Variants in TRAPPC6B observed in about 807,000 individuals in gnomAD.
The protein encoded by TRAPPC6B is TRAPP complex subunit 6B.
In TRAPPC6B, 27 loss-of-function variants were observed where a neutral mutation model predicts 24.7. That is an observed-to-expected ratio of 1.09 (90% confidence interval 0.81 to 1.51). The LOEUF is 1.51. TRAPPC6B is among the 40% of genes most tolerant of loss of function. TRAPPC6B has a pLI of 0.00. For synonymous variants in TRAPPC6B, 80 were observed against 66.6 expected, an observed-to-expected ratio of 1.20 and a Z score of -0.98; for missense variants, 212 against 190.8, an observed-to-expected ratio of 1.11 and a Z score of -0.66.
At position 39,148,618 on chromosome 14, in the gene TRAPPC6B, T is replaced by C. The variant is rs2052881930; in HGVS notation, c.*1732A>G. Reference sequence around the variant, plus strand: ...TTCTCTATTGTGTTCTATTTTGATCTACTTCTGTGTCATTAGCTATTCCTG... The same window carrying C: ...TTCTCTATTGTGTTCTATTTTGATCCACTTCTGTGTCATTAGCTATTCCTG... On this transcript the variant is annotated 3_prime_UTR_variant, in exon 6 of 6. Coordinates refer to ENST00000330149, the MANE Select transcript of TRAPPC6B (RefSeq NM_001079537.2). 2 of 398,342 alleles carry C rather than the reference T, an allele frequency of 5.0e-6. No homozygotes were observed. Among genetic ancestry groups the C allele is most frequent in the Admixed American group, 4.4e-5 (1 of 22,718 alleles). 24.7% of individuals were successfully genotyped at this position (398,342 alleles called of 1,614,324 possible).
At chr14:39,151,682 A>C in intron 5 of TRAPPC6B, 64 bp downstream of exon 5, 1 of 1,207,450 alleles carries the variant, frequency 8.3e-7, no homozygotes. Flanking sequence ...AGTTAAATTA[A>C]AAAAAAAAAC....
chr14:39,170,215 C>T lies in TRAPPC6B; in HGVS notation c.-120G>A. On this transcript the variant is annotated 5_prime_UTR_variant, in exon 1 of 6. Transcript: ENST00000330149. The stretch of plus-strand genomic sequence containing the variant: ...GCTCCGTCAGGCCGCCATTCTATCC[C>T]TGTGGCTAAGAGACCGAGGTATTCA... 1 of 914,522 alleles carries T rather than the reference C, an allele frequency of 1.1e-6. No individual in the cohort carries two copies. The highest frequency in any genetic ancestry group is 1.7e-6 in the Non-Finnish European group (1 of 583,214). The allele number at this position is 914,522 out of a possible 1,614,324, so 56.7% of individuals were successfully genotyped here. A position where few individuals can be genotyped will look rare whatever the true frequency, so the allele number is the denominator to read the frequency against.
intron 1 of TRAPPC6B, among the ~76,000 whole-genome samples, chr14:39,164,219 G>C (rs539939116): frequency 5.3e-5 from 8 of 152,194 alleles, no homozygotes; most frequent in Non-Finnish European, 1.0e-4. Context: ...TTCTCGGCCG[G>C]GCATGATGGC....
At chr14:39,167,178 T>G (rs1166416102) in intron 1 of TRAPPC6B, among the ~76,000 whole-genome samples, 2 of 152,206 alleles carry the variant, frequency 1.3e-5, no homozygotes, top group African/African-American at 4.8e-5. Flanking sequence ...AAATTCAACT[T>G]GAGAACATTT....
At chr14:39,152,657 C>T (rs2052928873) in intron 4 of TRAPPC6B, among the ~76,000 whole-genome samples, 1 of 152,168 alleles carries the variant, frequency 6.6e-6, no homozygotes, top group Non-Finnish European at 1.5e-5. Flanking sequence ...AGAGATTGTT[C>T]ATCCCAAGAG....
In TRAPPC6B at chr14:39,170,066, G is replaced by C; in HGVS notation, c.30C>G (p.Leu10=). Reference sequence around the variant, plus strand: ...ACACTCCAGACACCATCTCGTTATGGAGAAGCAAAAACAACGCCTCATCCG... The same window carrying C: ...ACACTCCAGACACCATCTCGTTATGCAGAAGCAAAAACAACGCCTCATCCG... MADEALFLL[L]HNEMVSGVYK... Residue 10 remains leucine, a synonymous_variant, in exon 1 of 6, where the codon CTC becomes CTG. Coordinates refer to ENST00000330149, the MANE Select transcript of TRAPPC6B (RefSeq NM_001079537.2). 3 of 1,614,106 alleles carry C rather than the reference G, an allele frequency of 1.9e-6. No homozygotes were observed. Among genetic ancestry groups the C allele is most frequent in the South Asian group, 1.1e-5 (1 of 91,078 alleles).
chr14:39,164,452 AT>A lies in TRAPPC6B; in HGVS notation c.82-4903del, dbSNP rs202198411. ...GGTTGCAGTGAGCCAAGGTCACCCC[AT>A]TGCATTCCAGCCTGGGCAATAACAG... On this transcript the variant is annotated intron_variant, in intron 1 of 5. Transcript: ENST00000330149. 8.7e-3 allele frequency among the ~76,000 whole-genome samples: 1,327 copies of A among 152,120 alleles called. 8 individuals are homozygous for A. The highest frequency in any genetic ancestry group is 0.031 in the Middle Eastern group (9 of 294).
intron 2 of TRAPPC6B, 191 bp from the exon 3 acceptor site, chr14:39,158,593 T>TAGAG (rs2053015877): frequency 2.1e-6 from 1 of 481,594 alleles, no homozygotes; most frequent in African/African-American, 2.0e-5. Flanking sequence ...TCTCGGCTCA[T>TAGAG]TGCAACGTCT....
At chr14:39,162,050 C>T (rs2053065472) in intron 1 of TRAPPC6B, among the ~76,000 whole-genome samples, 1 of 152,220 alleles carries the variant, frequency 6.6e-6, no homozygotes, top group Non-Finnish European at 1.5e-5. Context: ...CTGCTTCTAC[C>T]TAACATCAAA....
intron 2 of TRAPPC6B, chr14:39,158,794 T>A (rs1199704710): frequency 6.3e-6 from 1 of 159,594 alleles, no homozygotes; most frequent in Non-Finnish European, 1.4e-5. Context: ...GTGCTGGGAT[T>A]ACAGGCATGA....
chr14:39,159,449 C>T, intron 2 of TRAPPC6B, 34 bp downstream of exon 2: 10 of 1,513,268 alleles, frequency 6.6e-6, no homozygotes, highest in Non-Finnish European at 9.0e-6. Context: ...TTATAACCTA[C>T]CTGCAAGAAA....
chr14:39,153,179 C>A (rs2052935051), intron 4 of TRAPPC6B, among the ~76,000 whole-genome samples: 1 of 151,052 alleles, frequency 6.6e-6, no homozygotes. Flanking sequence ...GTAATCCCAG[C>A]TACTCAGGAG....
chr14:39,167,398 T>C (rs1262240559), intron 1 of TRAPPC6B, among the ~76,000 whole-genome samples: 1 of 151,556 alleles, frequency 6.6e-6, no homozygotes, highest in East Asian at 1.9e-4. Context: ...TAAAAAAACT[T>C]TCCATAACAA....
chr14:39,151,825 C>A lies in TRAPPC6B; in HGVS notation c.366G>T (p.Thr122=), dbSNP rs543389204. The A allele has an allele frequency of 3.7e-6, 6 of 1,602,114 alleles. No individual in the cohort carries two copies. In the South Asian group the frequency reaches 6.8e-5, roughly 18 times the overall value. ...LEHASKYLAF[T]CGLIRGGLSN... Reference sequence around the variant, plus strand: ...ATAAGCCACCTCTGATTAAGCCACACGTAAATGCTAAATACTAAAAGGAAA... The same window carrying A: ...ATAAGCCACCTCTGATTAAGCCACAAGTAAATGCTAAATACTAAAAGGAAA... Residue 122 remains threonine, a synonymous_variant, in exon 5 of 6, where the codon ACG becomes ACT. Coordinates refer to ENST00000330149, the MANE Select transcript of TRAPPC6B (RefSeq NM_001079537.2).
intron 3 of TRAPPC6B, among the ~76,000 whole-genome samples, chr14:39,154,677 C>T (rs1246453766): frequency 2.0e-5 from 3 of 152,096 alleles, no homozygotes; most frequent in Non-Finnish European, 4.4e-5. Context: ...ACCTTGACCT[C>T]CCGAAGTGCT....
Position 39,151,968 on chromosome 14 carries a change from G to A in TRAPPC6B, c.352-129C>T, listed in dbSNP as rs192206878. The A allele has an allele frequency of 1.1e-4, 70 of 639,384 alleles. No homozygotes were observed. In the Middle Eastern group the frequency reaches 2.2e-3, roughly 20 times the overall value. 39.6% of individuals were successfully genotyped at this position (639,384 alleles called of 1,614,324 possible). Reference sequence around the variant, plus strand: ...TTTAAAAAAAGGATTTTGAAGAACTGTTCAAATTACTGAAAAATATTGATA... The same window carrying A: ...TTTAAAAAAAGGATTTTGAAGAACTATTCAAATTACTGAAAAATATTGATA... On this transcript the variant is annotated intron_variant, in intron 4 of 5. Coordinates refer to ENST00000330149, the MANE Select transcript of TRAPPC6B (RefSeq NM_001079537.2).
intron 1 of TRAPPC6B, among the ~76,000 whole-genome samples, chr14:39,164,703 G>T (rs1265318183): frequency 6.6e-6 from 1 of 152,022 alleles, no homozygotes; most frequent in African/African-American, 2.4e-5. Context: ...TGAACATGGT[G>T]GCATGCACCT....
Position 39,149,756 on chromosome 14 carries a change from T to G in TRAPPC6B, c.*594A>C, listed in dbSNP as rs558486780. On this transcript the variant is annotated 3_prime_UTR_variant, in exon 6 of 6. Coordinates refer to ENST00000330149, the MANE Select transcript of TRAPPC6B (RefSeq NM_001079537.2). ...TAAACTAATCTATATTTCATTTTGA[T>G]TACATTAATGGAGCTCTGAAGGAAT... The G allele has an allele frequency of 6.6e-6, 1 of 152,306 alleles. No individual in the cohort carries two copies. Among genetic ancestry groups the G allele is most frequent in the South Asian group, 2.1e-4 (1 of 4,826 alleles). 9.4% of individuals were successfully genotyped at this position (152,306 alleles called of 1,614,324 possible). A position where few individuals can be genotyped will look rare whatever the true frequency, so the allele number is the denominator to read the frequency against.
intron 1 of TRAPPC6B, among the ~76,000 whole-genome samples, chr14:39,161,632 G>C (rs921037493): frequency 2.0e-5 from 3 of 152,084 alleles, no homozygotes; most frequent in African/African-American, 7.2e-5. Context: ...CGTGTCTGGC[G>C]AGCCAACTGG....
Sources: allele counts gnomAD v4.1 joint callset (sites outside exome capture counted in the v4.1 genomes callset), GRCh38; gene constraint gnomAD v4.1.1; transcripts MANE v1.5; gene names NCBI Gene and HGNC (gene_info 2026-07-23, HGNC 2026-07-21).